Variants in TRPC6 observed in about 807,000 individuals in gnomAD.
The protein encoded by TRPC6 is short transient receptor potential channel 6.
TRPC6 carries 55 observed loss-of-function variants against 90.7 expected under a neutral mutation model. The ratio of observed to expected loss-of-function variants is 0.61; its 90% CI spans 0.49 to 0.76. TRPC6 has a LOEUF of 0.76. Ranked by LOEUF, TRPC6 falls within the 30% of genes least tolerant of loss-of-function variation. The pLI is 0.00. For missense variants in TRPC6, 989 were observed against 1,122.7 expected, an observed-to-expected ratio of 0.88 and a Z score of 1.70; for synonymous variants, 393 against 393.0, an observed-to-expected ratio of 1.00 and a Z score of 0.00.
chr11:101,540,459 C>A (rs745704183), intron 1 of TRPC6, among the ~76,000 whole-genome samples: 10 of 152,166 alleles, frequency 6.6e-5, no homozygotes, highest in Non-Finnish European at 1.5e-4. Context: ...TTATCCTTTG[C>A]ATTTCCTGGG....
At chr11:101,538,052 ATTC>A (rs1219713706) in intron 1 of TRPC6, among the ~76,000 whole-genome samples, 1 of 151,638 alleles carries the variant, frequency 6.6e-6, no homozygotes, top group African/African-American at 2.4e-5. Flanking sequence ...CTTTATGTTG[ATTC>A]TTCTTTGCCT....
At chr11:101,558,897 G>C (rs778937321) in intron 1 of TRPC6, among the ~76,000 whole-genome samples, 20 of 152,000 alleles carry the variant, frequency 1.3e-4, no homozygotes, top group Non-Finnish European at 1.6e-4. Context: ...TTAAACATAA[G>C]ATCAAAAACT....
chr11:101,537,587 C>T (rs1274734204), intron 1 of TRPC6, among the ~76,000 whole-genome samples: 1 of 152,134 alleles, frequency 6.6e-6, no homozygotes, highest in Non-Finnish European at 1.5e-5. Flanking sequence ...GAAACTTCTT[C>T]ATGAAGGGAT....
intron 1 of TRPC6, among the ~76,000 whole-genome samples, chr11:101,531,826 G>T (rs528271414): frequency 6.6e-6 from 1 of 151,988 alleles, no homozygotes; most frequent in Admixed American, 6.5e-5. Flanking sequence ...TCTTCTCCCC[G>T]TTCTTTCTGC....
intron 5 of TRPC6, among the ~76,000 whole-genome samples, chr11:101,482,019 A>T (rs546650672): frequency 3.9e-5 from 6 of 152,276 alleles, no homozygotes; most frequent in Non-Finnish European, 7.3e-5. Context: ...TCCTCAAAGT[A>T]CCACATTGAA....
At chr11:101,472,450 T>G in intron 7 of TRPC6, 118 bp from the exon 8 acceptor site, 1 of 952,266 alleles carries the variant, frequency 1.1e-6, no homozygotes, top group East Asian at 2.6e-5. Context: ...AAAAAAATTC[T>G]TCACTTCTCT....
chr11:101,538,568 T>C (rs1196889089), intron 1 of TRPC6, among the ~76,000 whole-genome samples: 2 of 152,166 alleles, frequency 1.3e-5, no homozygotes, highest in Non-Finnish European at 2.9e-5. Flanking sequence ...ACTCTGCAGA[T>C]GTAATTAAGG....
chr11:101,474,006 G>A (rs1859356413), intron 6 of TRPC6, among the ~76,000 whole-genome samples: 1 of 152,276 alleles, frequency 6.6e-6, no homozygotes, highest in East Asian at 1.9e-4. Context: ...TAATAGTTAA[G>A]AGTTCAGACT....
chr11:101,567,719 G>A (rs1861868445), intron 1 of TRPC6, among the ~76,000 whole-genome samples: 1 of 152,172 alleles, frequency 6.6e-6, no homozygotes, highest in Non-Finnish European at 1.5e-5. Flanking sequence ...GATAACCCAG[G>A]CAAACAGGGT....
rs187361694 is a variant in TRPC6, at chr11:101,524,500, C to T, written c.171-19702G>A. Among the ~76,000 whole-genome samples, 155 of 152,306 alleles carry T rather than the reference C, an allele frequency of 1.0e-3. 1 individual carries two copies. Among genetic ancestry groups the T allele is most frequent in the African/African-American group, 3.6e-3 (151 of 41,562 alleles). ...TCATGACCTCGTGATCCACCCATCT[C>T]GGCCTCCCAAAGTGTACAGGCATGA... On this transcript the variant is annotated intron_variant, in intron 1 of 12. Transcript: ENST00000344327.
intron 1 of TRPC6, among the ~76,000 whole-genome samples, chr11:101,565,473 T>C (rs1179872188): frequency 6.6e-6 from 1 of 152,060 alleles, no homozygotes; most frequent in Non-Finnish European, 1.5e-5. Flanking sequence ...AAGTCAACAT[T>C]AAGATAAAAA....
chr11:101,559,088 T>A (rs11224855), intron 1 of TRPC6, among the ~76,000 whole-genome samples: 1 of 151,878 alleles, frequency 6.6e-6, no homozygotes, highest in Non-Finnish European at 1.5e-5. Flanking sequence ...AATCTATGAA[T>A]TGGGAGAAAT....
intron 10 of TRPC6, among the ~76,000 whole-genome samples, chr11:101,456,496 C>T (rs920505729): frequency 2.0e-5 from 3 of 152,310 alleles, no homozygotes; most frequent in African/African-American, 7.2e-5. Context: ...AGGGCAGGCT[C>T]ATAACCATCA....
At chr11:101,493,182 TG>T (rs1301172953) in intron 2 of TRPC6, among the ~76,000 whole-genome samples, 1 of 152,224 alleles carries the variant, frequency 6.6e-6, no homozygotes, top group Non-Finnish European at 1.5e-5. Flanking sequence ...TTGGCTTCCC[TG>T]GGCCACATTG....
chr11:101,572,550 C>T lies in TRPC6; in HGVS notation c.170+10784G>A, dbSNP rs565801552. 6.6e-5 allele frequency among the ~76,000 whole-genome samples: 10 copies of T among 152,304 alleles called. No individual in the cohort carries two copies. In the South Asian group the frequency reaches 2.1e-3, roughly 32 times the overall value. ...TATAAATCATTCTGCTATAAAGACACATGCACACATATGTTTATTGCAGCA... is the reference window on the plus strand; with the variant it reads ...TATAAATCATTCTGCTATAAAGACATATGCACACATATGTTTATTGCAGCA... On this transcript the variant is annotated intron_variant, in intron 1 of 12. Transcript: ENST00000344327.
At chr11:101,566,661 C>G (rs1861839279) in intron 1 of TRPC6, among the ~76,000 whole-genome samples, 1 of 152,174 alleles carries the variant, frequency 6.6e-6, no homozygotes, top group Admixed American at 6.5e-5. Flanking sequence ...CAGGTAATTT[C>G]TGCATTTCCA....
chr11:101,577,056 T>C (rs181490910), intron 1 of TRPC6, among the ~76,000 whole-genome samples: 5 of 152,162 alleles, frequency 3.3e-5, no homozygotes, highest in Admixed American at 6.6e-5. Flanking sequence ...ATCCAAGTGG[T>C]TGGGGGAGAC....
chr11:101,566,914 G>T lies in TRPC6; in HGVS notation c.170+16420C>A, dbSNP rs187357284. ...TTCCCTAGGGTGCCTATACCACCAG[G>T]GCCCTGGGTTTCCAGCACAAAACTG... On this transcript the variant is annotated intron_variant, in intron 1 of 12. Transcript: ENST00000344327. 5.7e-3 allele frequency among the ~76,000 whole-genome samples: 871 copies of T among 152,260 alleles called. 6 individuals are homozygous for T. The highest frequency in any genetic ancestry group is 0.02 in the African/African-American group (815 of 41,552).
chr11:101,552,289 G>A (rs1031156960), intron 1 of TRPC6, among the ~76,000 whole-genome samples: 1 of 152,078 alleles, frequency 6.6e-6, no homozygotes, highest in African/African-American at 2.4e-5. Context: ...ATGACGAAGA[G>A]GAGAAATCAA....
Sources: allele counts gnomAD v4.1 joint callset (sites outside exome capture counted in the v4.1 genomes callset), GRCh38; gene constraint gnomAD v4.1.1; transcripts MANE v1.5; gene names NCBI Gene and HGNC (gene_info 2026-07-23, HGNC 2026-07-21).